The following DNAH1 variants were observed in gnomAD, a reference collection of about 807,000 sequenced individuals.
DNAH1 encodes the protein dynein axonemal heavy chain 1.
Under a neutral mutation model 484.3 loss-of-function variants are expected in DNAH1, and 327 were observed. The ratio of observed to expected loss-of-function variants is 0.68; its 90% CI spans 0.62 to 0.74. The LOEUF (loss-of-function observed/expected upper bound fraction) is 0.74. Among genes scored for constraint, DNAH1 ranks in the 30% least tolerant of loss-of-function variants. The pLI is 0.00. For synonymous variants in DNAH1, 2,192 were observed against 2,191.9 expected (o/e 1.00, Z 0.00); for missense variants, 5,052 against 5,546.8 (o/e 0.91, Z 2.83).
rs766229509 is a variant in DNAH1 at position 52,361,717 on chromosome 3, CTG to C, written c.4934_4935del (p.Val1645GlyfsTer22). 3.1e-6 allele frequency: 5 copies of C among 1,611,476 alleles called. No homozygotes were observed. The highest frequency in any genetic ancestry group is 4.2e-6 in the Non-Finnish European group (5 of 1,179,016). Reference sequence around the variant, plus strand: ...AATCGCATCGACATCGAGGTGCTGTCTGTGGTGGCGCAGCAGATCACCACCAT... The same window carrying C: ...AATCGCATCGACATCGAGGTGCTGTCTGGTGGCGCAGCAGATCACCACCAT... On this transcript the variant is annotated frameshift_variant, in exon 30 of 78. Coordinates refer to ENST00000420323, the MANE Select transcript of DNAH1 (RefSeq NM_015512.5). LOFTEE classifies it high-confidence loss of function. This position sits in a 1 kb window ranked among gnomAD's most constrained non-coding sequence, Gnocchi z 5.6.
At chr3:52,330,461 G>C (rs1578081355) in intron 6 of DNAH1, among the ~76,000 whole-genome samples, 1 of 152,242 alleles carries the variant, frequency 6.6e-6, no homozygotes, top group African/African-American at 2.4e-5. Context: ...GGCGACCTGA[G>C]TGGAGAGTGT....
intron 44 of DNAH1, chr3:52,373,737 C>G: frequency 7.2e-7 from 1 of 1,387,850 alleles, no homozygotes; most frequent in South Asian, 1.2e-5. Context: ...TTCTGATCCA[C>G]TAAGTGAACT....
rs1288357095 is a variant in DNAH1 at position 52,392,891 on chromosome 3, T to C, written c.10340T>C (p.Ile3447Thr). Residue 3447 changes from isoleucine (I) to threonine (T), a missense_variant, in exon 65 of 78, where the codon ATA (isoleucine) becomes ACA (threonine). Around this residue, in one of 4 missense-constraint regions of DNAH1, gnomAD observed 2,929 missense variants for 3,409.4 expected, o/e 0.86. Coordinates refer to ENST00000420323, the MANE Select transcript of DNAH1 (RefSeq NM_015512.5). ...KDIDLTRMEYIPVAIRTQILF... is the reference protein window; with the variant it reads ...KDIDLTRMEYTPVAIRTQILF... ...ATCGACCTGACGCGCATGGAGTACA[T>C]ACCCGTGGCCATCCGCACCCAGATC... The C allele has an allele frequency of 5.8e-6, 9 of 1,561,770 alleles. No homozygotes were observed. The highest frequency in any genetic ancestry group is 1.1e-5 in the South Asian group (1 of 90,210).
At chr3:52,374,001 C>A in intron 44 of DNAH1, 1 of 1,089,742 alleles carries the variant, frequency 9.2e-7, no homozygotes, top group Non-Finnish European at 1.4e-6. Flanking sequence ...TTAGAGTCTG[C>A]AGATTTCCAA....
At chr3:52,396,226 C>A in intron 70 of DNAH1, 142 bp from the exon 71 acceptor site, 1 of 942,060 alleles carries the variant, frequency 1.1e-6, no homozygotes, top group Non-Finnish European at 1.5e-6. Context: ...AGCCACCGCG[C>A]CCAGCCAAAA....
At chr3:52,369,161 A>G (rs1000993018) in intron 37 of DNAH1, among the ~76,000 whole-genome samples, 1 of 151,984 alleles carries the variant, frequency 6.6e-6, no homozygotes, top group Non-Finnish European at 1.5e-5. Context: ...CACCCTTTAC[A>G]CAGACCCTCT....
Position 52,383,378 on chromosome 3 carries a change from C to A in DNAH1, c.7942-8C>A. ...GGCTTAGCTCCCCACTCCTTCACCC[C>A]TCCCCAGATCAAGAACGAATCCTTC... On this transcript the variant is annotated splice_polypyrimidine_tract_variant and splice_region_variant and intron_variant, in intron 50 of 77. Transcript: ENST00000420323. The A allele has an allele frequency of 6.2e-7, 1 of 1,613,224 alleles. No homozygotes were observed. The highest frequency in any genetic ancestry group is 1.1e-5 in the South Asian group (1 of 90,828).
At position 52,362,751 on chromosome 3, in the gene DNAH1, G is replaced by A. The variant is rs769290426; in HGVS notation, c.5095-244G>A. ...AGACCTGTTCACCCTGGGCCTTCAG[G>A]AGAAACAGGAAAACAGGAGCCAAGA... On this transcript the variant is annotated intron_variant, in intron 31 of 77. Coordinates refer to ENST00000420323, the MANE Select transcript of DNAH1 (RefSeq NM_015512.5). This position sits in a 1 kb window ranked among gnomAD's most constrained non-coding sequence, Gnocchi z 5.1. Among the ~76,000 whole-genome samples the A allele has an allele frequency of 2.6e-5, 4 of 152,176 alleles. No individual in the cohort carries two copies. Among genetic ancestry groups the A allele is most frequent in the Non-Finnish European group, 2.9e-5 (2 of 68,024 alleles).
At chr3:52,400,138 A>G (rs922928107) in intron 77 of DNAH1, among the ~76,000 whole-genome samples, 187 bp from the exon 78 acceptor site, 3 of 152,206 alleles carry the variant, frequency 2.0e-5, no homozygotes, top group African/African-American at 7.2e-5. Flanking sequence ...CCCTATCTTC[A>G]GTCCCCAATA....
chr3:52,311,504 G>A (rs1188731692), upstream of DNAH1, among the ~76,000 whole-genome samples: 1 of 152,112 alleles, frequency 6.6e-6, no homozygotes, highest in Admixed American at 6.5e-5. Context: ...CTGAGCATGT[G>A]GCCAGCAGCC....
chr3:52,383,641 G>A, intron 51 of DNAH1, 47 bp downstream of exon 51: 4 of 1,508,130 alleles, frequency 2.7e-6, no homozygotes, highest in Non-Finnish European at 3.6e-6. Flanking sequence ...GGAGCTGGGT[G>A]TGTACATGGG....
At chr3:52,338,505 A>T (rs185267924) in intron 8 of DNAH1, among the ~76,000 whole-genome samples, 225 of 152,268 alleles carry the variant, frequency 1.5e-3, no homozygotes, top group Non-Finnish European at 2.0e-3. Flanking sequence ...TATTAAACGT[A>T]TCAATATTTT....
In DNAH1 at chr3:52,350,063, G is replaced by T. The variant is rs1702308672; in HGVS notation, c.2601G>T (p.Leu867=). Residue 867 remains leucine, a synonymous_variant, in exon 15 of 78, where the codon CTG becomes CTT. Coordinates refer to ENST00000420323, the MANE Select transcript of DNAH1 (RefSeq NM_015512.5). ...ACAGCATTGAGGAGCTGGCTGAGCT[G>T]CGAGAGTGGATGAAGGGCATCCCGG... ...KPNSIEELAE[L]REWMKGIPER... 6 of 1,613,224 alleles carry T rather than the reference G, an allele frequency of 3.7e-6. No homozygotes were observed. The South Asian group carries it at 5.5e-5, about 15-fold the overall frequency.
At position 52,398,827 on chromosome 3, in the gene DNAH1, T is replaced by A. The variant is rs747819454; in HGVS notation, c.12090-23T>A. On this transcript the variant is annotated intron_variant, in intron 75 of 77. Transcript: ENST00000420323. ...CCACGTGACCCCAGCCCACTACCTA[T>A]TCTCTTGCCACTGGCCTCACAGGTA... The A allele has an allele frequency of 3.3e-5, 50 of 1,505,370 alleles. No homozygotes were observed. The South Asian group carries it at 6.3e-4, about 19-fold the overall frequency. 93.3% of individuals were successfully genotyped at this position (1,505,370 alleles called of 1,614,324 possible).
At chr3:52,363,643 A>G (rs1214946389) in intron 32 of DNAH1, among the ~76,000 whole-genome samples, 5 of 152,210 alleles carry the variant, frequency 3.3e-5, no homozygotes, top group Admixed American at 2.0e-4. Flanking sequence ...TGGTTCCCAA[A>G]CAGGCCCCCA....
Position 52,394,911 on chromosome 3 carries a change from G to A in DNAH1, c.10824-4G>A. ...TCTCAGGGAGGTGTGGGCCACTGTT[G>A]CAGGGAGCCTTTGCCTGGCATCTGG... On this transcript the variant is annotated splice_region_variant and splice_polypyrimidine_tract_variant and intron_variant, in intron 67 of 77. Transcript: ENST00000420323. The A allele has an allele frequency of 6.2e-7, 1 of 1,613,158 alleles. No individual in the cohort carries two copies. The highest frequency in any genetic ancestry group is 8.5e-7 in the Non-Finnish European group (1 of 1,179,582).
chr3:52,340,441 T>C (rs1381944387), intron 8 of DNAH1, among the ~76,000 whole-genome samples: 1 of 150,434 alleles, frequency 6.6e-6, no homozygotes, highest in South Asian at 2.1e-4. Flanking sequence ...TATTTATTTA[T>C]ATTTATTTTT....
At chr3:52,328,141 G>T (rs1272544260) in intron 6 of DNAH1, 127 bp downstream of exon 6, 1 of 1,247,872 alleles carries the variant, frequency 8.0e-7, no homozygotes, top group East Asian at 2.5e-5. Flanking sequence ...CTCTCAGCTG[G>T]TAGACAGGCC....
intron 28 of DNAH1, among the ~76,000 whole-genome samples, 184 bp downstream of exon 28, chr3:52,360,608 A>G (rs917046774): frequency 6.6e-6 from 1 of 152,182 alleles, no homozygotes; most frequent in Non-Finnish European, 1.5e-5. Flanking sequence ...GACTTCGGGC[A>G]GGTGACTTGA....
Sources: allele counts gnomAD v4.1 joint callset (sites outside exome capture counted in the v4.1 genomes callset), GRCh38; gene constraint gnomAD v4.1.1; regional missense constraint gnomAD v4.1.1; non-coding constraint Gnocchi (gnomAD v3.1); transcripts MANE v1.5; gene names NCBI Gene and HGNC (gene_info 2026-07-23, HGNC 2026-07-21).